Variants in DYNC1H1 observed in about 807,000 individuals in gnomAD.
The protein encoded by DYNC1H1 is cytoplasmic dynein 1 heavy chain 1.
DYNC1H1 carries 51 observed loss-of-function variants against 527.1 expected under a neutral mutation model. The observed-to-expected ratio is 0.10, with a 90% CI of 0.08 to 0.12. The LOEUF is 0.12. Among genes scored for constraint, DYNC1H1 ranks in the 10% least tolerant of loss-of-function variants. DYNC1H1 has a pLI of 1.00. For synonymous variants in DYNC1H1, 2,189 were observed against 2,278.8 expected (o/e 0.96, Z 1.12); for missense variants, 2,771 against 5,971.8 (o/e 0.46, Z 17.66).
chr14:102,031,458 C>T (rs972486417), intron 51 of DYNC1H1, among the ~76,000 whole-genome samples: 25 of 152,110 alleles, frequency 1.6e-4, no homozygotes, highest in African/African-American at 5.6e-4. Flanking sequence ...TGGTTTCAAA[C>T]TGCTGGGCTC....
In DYNC1H1 at chr14:102,019,914, C is replaced by T; in HGVS notation, c.8365C>T (p.Gln2789Ter). 6.2e-7 allele frequency: 1 copy of T among 1,614,208 alleles called. No individual in the cohort carries two copies. Among genetic ancestry groups the T allele is most frequent in the Non-Finnish European group, 8.5e-7 (1 of 1,180,032 alleles). ...ATAGGAGAGATTCACCCAGGATACA[C>T]AACCTCACTATATCTATTCACCCCG... ...MSQERFTQDTQPHYIYSPREM... is the reference protein window; with the variant it reads ...MSQERFTQDT Residue 2789 changes from glutamine to a stop codon, truncating the protein, a stop_gained, in exon 42 of 78, where the codon CAA becomes TAA. Transcript: ENST00000360184. LOFTEE classifies it high-confidence loss of function.
At position 102,049,633 on chromosome 14, in the gene DYNC1H1, G is replaced by A. The variant is rs766643529; in HGVS notation, c.13515+51G>A. 9 of 1,613,092 alleles carry A rather than the reference G, an allele frequency of 5.6e-6. No homozygotes were observed. The Admixed American group carries it at 1.2e-4, about 21-fold the overall frequency. Reference sequence around the variant, plus strand: ...GGTGGTCAGCAGCTGTCCTGGGCTGGGGTGGGAGTGGCTCTGGGGAAAAAC... The same window carrying A: ...GGTGGTCAGCAGCTGTCCTGGGCTGAGGTGGGAGTGGCTCTGGGGAAAAAC... On this transcript the variant is annotated intron_variant, in intron 75 of 77. Transcript: ENST00000360184. The surrounding 1 kb of genome is among the most constrained non-coding windows in gnomAD (Gnocchi z 5.5).
At position 102,004,670 on chromosome 14, in the gene DYNC1H1, G is replaced by C. The variant is rs1363933930; in HGVS notation, c.5036G>C (p.Arg1679Pro). The C allele has an allele frequency of 6.2e-7, 1 of 1,614,106 alleles. No homozygotes were observed. Among genetic ancestry groups the C allele is most frequent in the African/African-American group, 1.3e-5 (1 of 75,022 alleles). Reference sequence around the variant, plus strand: ...TCTGTTGTTTTGGGTATTTCATCTCGGGAAGGAGAGGAGGTAAATTTATGT... The same window carrying C: ...TCTGTTGTTTTGGGTATTTCATCTCCGGAAGGAGAGGAGGTAAATTTATGT... ...DNSVVLGISS[R>P]EGEEVMFKTP... Residue 1679 changes from arginine (R) to proline (P), a missense_variant, in exon 24 of 78, where the codon CGG becomes CCG. By Grantham distance (103) the Arg-to-Pro change is moderately radical. This residue lies in a region of DYNC1H1 where 105 missense variants were observed against 138.1 expected (regional missense o/e 0.76). Coordinates refer to ENST00000360184, the MANE Select transcript of DYNC1H1 (RefSeq NM_001376.5).
rs149824412 is a variant in DYNC1H1, at chr14:102,044,271, C to T, written c.12685-3C>T. On this transcript the variant is annotated splice_region_variant and splice_polypyrimidine_tract_variant and intron_variant, in intron 70 of 77. Coordinates refer to ENST00000360184, the MANE Select transcript of DYNC1H1 (RefSeq NM_001376.5). The surrounding 1 kb of genome is among the most constrained non-coding windows in gnomAD (Gnocchi z 7.1). The stretch of plus-strand genomic sequence containing the variant: ...CACACGAACCCTGCTTTTCCTCCCC[C>T]AGGGCAGGCAGAACATCTCACCGGA... The T allele has an allele frequency of 1.1e-4, 174 of 1,613,940 alleles. No individual in the cohort carries two copies. In the East Asian group the frequency reaches 3.5e-3, roughly 33 times the overall value.
In DYNC1H1 at chr14:102,033,720, C is replaced by A; in HGVS notation, c.10413+236C>A. On this transcript the variant is annotated intron_variant, in intron 54 of 77. Transcript: ENST00000360184. This position sits in a 1 kb window ranked among gnomAD's most constrained non-coding sequence, Gnocchi z 5.6. ...TTTCAGCCGTTGAATCCCCCACCAG[C>A]AGCTCCAGACCTGTTTGCTCTGCTG... 1 of 687,848 alleles carries A rather than the reference C, an allele frequency of 1.5e-6. No individual in the cohort carries two copies. The highest frequency in any genetic ancestry group is 2.5e-6 in the Non-Finnish European group (1 of 402,756). 42.6% of individuals were successfully genotyped at this position (687,848 alleles called of 1,614,324 possible).
At position 102,012,217 on chromosome 14, in the gene DYNC1H1, C is replaced by A; in HGVS notation, c.6858-97C>A. 1 of 1,611,596 alleles carries A rather than the reference C, an allele frequency of 6.2e-7. No homozygotes were observed. The highest frequency in any genetic ancestry group is 1.1e-5 in the South Asian group (1 of 90,888). The stretch of plus-strand genomic sequence containing the variant: ...CGTTATTTTTCAACCAAAGTCTGAG[C>A]AAATTAAAGGTCATTTCAGAAACCA... On this transcript the variant is annotated intron_variant, in intron 33 of 77. Transcript: ENST00000360184. This position sits in a 1 kb window ranked among gnomAD's most constrained non-coding sequence, Gnocchi z 4.9.
Position 101,983,803 on chromosome 14 carries a change from G to C in DYNC1H1, c.1461+194G>C, listed in dbSNP as rs111812299. On this transcript the variant is annotated intron_variant, in intron 7 of 77. Coordinates refer to ENST00000360184, the MANE Select transcript of DYNC1H1 (RefSeq NM_001376.5). This position sits in a 1 kb window ranked among gnomAD's most constrained non-coding sequence, Gnocchi z 5.3. ...AGCGATTCTCCTGCCTCAGCCTCTC[G>C]AGTAGCTGGGATTACAGGTGCCTGC... 5.5e-3 allele frequency among the ~76,000 whole-genome samples: 841 copies of C among 151,898 alleles called. 17 individuals carry two copies. Among genetic ancestry groups the C allele is most frequent in the East Asian group, 0.037 (189 of 5,160 alleles).
Position 102,039,534 on chromosome 14 carries a change from G to A in DYNC1H1, c.11583G>A (p.Lys3861=). ...CACAGCGCCTGTCCATTATAACAAA[G>A]GACCTCTTCCAGGTAGAGTGAGGTC... is the stretch of plus-strand genomic sequence containing the variant. The part of the protein sequence containing the change: ...DHTQRLSIIT[K]DLFQVAFNRV... Residue 3861 remains lysine (K), a synonymous_variant, in exon 61 of 78, where the codon AAG becomes AAA. Transcript: ENST00000360184. The surrounding 1 kb of genome is among the most constrained non-coding windows in gnomAD (Gnocchi z 7.0). The A allele has an allele frequency of 6.2e-7, 1 of 1,614,236 alleles. No homozygotes were observed. The highest frequency in any genetic ancestry group is 8.5e-7 in the Non-Finnish European group (1 of 1,180,048).
intron 1 of DYNC1H1, among the ~76,000 whole-genome samples, chr14:101,970,299 G>A (rs1595593141): frequency 6.6e-6 from 1 of 151,884 alleles, no homozygotes; most frequent in Non-Finnish European, 1.5e-5. Context: ...GTGGTTGTGG[G>A]AAAGAAGTCA....
rs376286033 is a variant in DYNC1H1, at chr14:102,042,620, G to C, written c.12400-15G>C. On this transcript the variant is annotated splice_polypyrimidine_tract_variant and intron_variant, in intron 68 of 77. Coordinates refer to ENST00000360184, the MANE Select transcript of DYNC1H1 (RefSeq NM_001376.5). This position sits in a 1 kb window ranked among gnomAD's most constrained non-coding sequence, Gnocchi z 5.7. ...ATCCACACCCGAGCATAACTGGAACGGCGCTCTCCCTTAGGTGCCTGTGAA... is the reference window on the plus strand; with the variant it reads ...ATCCACACCCGAGCATAACTGGAACCGCGCTCTCCCTTAGGTGCCTGTGAA... 2.5e-6 allele frequency: 4 copies of C among 1,614,078 alleles called. No homozygotes were observed. The highest frequency in any genetic ancestry group is 3.4e-6 in the Non-Finnish European group (4 of 1,179,980).
Position 102,036,516 on chromosome 14 carries a change from A to G in DYNC1H1, c.10782A>G (p.Gly3594=). 4 of 1,614,026 alleles carry G rather than the reference A, an allele frequency of 2.5e-6. No individual in the cohort carries two copies. Among genetic ancestry groups the G allele is most frequent in the Non-Finnish European group, 3.4e-6 (4 of 1,180,008 alleles). The change falls in exon 57 of 78, where the codon GGA becomes GGG. Residue 3594 remains glycine, a synonymous_variant. Transcript: ENST00000360184. This position sits in a 1 kb window ranked among gnomAD's most constrained non-coding sequence, Gnocchi z 5.6. ...ATCCGCTGATCATTGACCCCTCTGG[A>G]CAGGCCACAGAATTCATTATGAATG... The part of the protein sequence containing the change: ...NRYPLIIDPS[G]QATEFIMNEY...
intron 2 of DYNC1H1, among the ~76,000 whole-genome samples, chr14:101,976,006 C>G (rs905186768): frequency 1.7e-4 from 25 of 151,076 alleles, no homozygotes; most frequent in African/African-American, 5.6e-4. Context: ...CTCCCGGGTT[C>G]AAGCAATTCT....
rs143851548 is a variant in DYNC1H1, at chr14:101,965,283, C to T, written c.256+336C>T. ...AAACAATGGGGTCGCTTTGTCTGCTCGGGCCTCTCAAGATGGCCGAGTTGG... is the reference window on the plus strand; with the variant it reads ...AAACAATGGGGTCGCTTTGTCTGCTTGGGCCTCTCAAGATGGCCGAGTTGG... On this transcript the variant is annotated intron_variant, in intron 1 of 77. Transcript: ENST00000360184. The surrounding 1 kb of genome is among the most constrained non-coding windows in gnomAD (Gnocchi z 4.1). 8.0e-3 allele frequency among the ~76,000 whole-genome samples: 1,220 copies of T among 152,338 alleles called. 19 individuals are homozygous for T. Among genetic ancestry groups the T allele is most frequent in the African/African-American group, 0.028 (1,158 of 41,588 alleles).
In DYNC1H1 at chr14:101,997,857, G is replaced by A. The variant is rs1301720245; in HGVS notation, c.3804+583G>A. On this transcript the variant is annotated intron_variant, in intron 16 of 77. Coordinates refer to ENST00000360184, the MANE Select transcript of DYNC1H1 (RefSeq NM_001376.5). The surrounding 1 kb of genome is among the most constrained non-coding windows in gnomAD (Gnocchi z 4.8). ...TCCTACCTTCATGGAATCACGCTCC[G>A]TGGGAGAGAGAAAAAAAATGAGCAA... 2.0e-5 allele frequency among the ~76,000 whole-genome samples: 3 copies of A among 152,178 alleles called. No individual in the cohort carries two copies. Among genetic ancestry groups the A allele is most frequent in the African/African-American group, 7.2e-5 (3 of 41,448 alleles).
In DYNC1H1 at chr14:102,020,344, T is replaced by A. The variant is rs1248537584; in HGVS notation, c.8507+288T>A. 2.6e-5 allele frequency among the ~76,000 whole-genome samples: 4 copies of A among 152,020 alleles called. No individual in the cohort carries two copies. Among genetic ancestry groups the A allele is most frequent in the South Asian group, 2.1e-4 (1 of 4,826 alleles). On this transcript the variant is annotated intron_variant, in intron 42 of 77. Transcript: ENST00000360184. The surrounding 1 kb of genome is among the most constrained non-coding windows in gnomAD (Gnocchi z 4.3). Reference sequence around the variant, plus strand: ...GCTGTGAACAGGGTACTTTTTTTTTTAAAGATACATCATAGAAGTCAAAAA... The same window carrying A: ...GCTGTGAACAGGGTACTTTTTTTTTAAAAGATACATCATAGAAGTCAAAAA...
At chr14:101,980,967 C>T (rs2141270596) in intron 5 of DYNC1H1, among the ~76,000 whole-genome samples, 1 of 152,308 alleles carries the variant, frequency 6.6e-6, no homozygotes, top group East Asian at 1.9e-4. Context: ...GTCAGTACCA[C>T]TTTCTCTTCC....
At position 102,015,158 on chromosome 14, in the gene DYNC1H1, G is replaced by T. The variant is rs188714917; in HGVS notation, c.7068G>T (p.Val2356=). ...QDLKYATLAT[V]SRCGMVWFSE... ...TGAAATACGCGACCTTGGCCACAGT[G>T]TCGCGCTGCGGCATGGTCTGGTTCA... The change falls in exon 35 of 78, where the codon GTG becomes GTT. Residue 2356 remains valine, a synonymous_variant. Transcript: ENST00000360184. The surrounding 1 kb of genome is among the most constrained non-coding windows in gnomAD (Gnocchi z 6.9). 6.2e-7 allele frequency: 1 copy of T among 1,614,232 alleles called. No homozygotes were observed. The highest frequency in any genetic ancestry group is 1.7e-5 in the Admixed American group (1 of 60,024).
chr14:102,041,397 C>A lies in DYNC1H1; in HGVS notation c.11942-177C>A. ...CCAGGTAGTAAGGTGTTCTCACAGG[C>A]GTGTCCAGAGGGCTCACGGAAGGCA... On this transcript the variant is annotated intron_variant, in intron 64 of 77. Transcript: ENST00000360184. This position sits in a 1 kb window ranked among gnomAD's most constrained non-coding sequence, Gnocchi z 4.5. 1 of 940,900 alleles carries A rather than the reference C, an allele frequency of 1.1e-6. No homozygotes were observed. The highest frequency in any genetic ancestry group is 1.7e-6 in the Non-Finnish European group (1 of 595,310). The allele number at this position is 940,900 out of a possible 1,614,324, so 58.3% of individuals were successfully genotyped here. A position where few individuals can be genotyped will look rare whatever the true frequency, so the allele number is the denominator to read the frequency against.
In DYNC1H1 at chr14:101,997,267, CTG is replaced by C; in HGVS notation, c.3799_3800del (p.Val1267HisfsTer17). 1 of 1,614,150 alleles carries C rather than the reference CTG, an allele frequency of 6.2e-7. No individual in the cohort carries two copies. The highest frequency in any genetic ancestry group is 8.5e-7 in the Non-Finnish European group (1 of 1,180,024). ...CTGACTGACTGGGAGAAGACCAAGC[CTG>C]TCACGGTGAGTCCCGCCAGGTGGGG... On this transcript the variant is annotated frameshift_variant, in exon 16 of 78. Transcript: ENST00000360184. LOFTEE classifies it high-confidence loss of function. The surrounding 1 kb of genome is among the most constrained non-coding windows in gnomAD (Gnocchi z 4.8).
Sources: gnomAD v4.1 joint callset for allele counts (sites outside exome capture counted in the v4.1 genomes callset) on GRCh38, gnomAD v4.1.1 for gene constraint, gnomAD v4.1.1 regional missense constraint, Gnocchi (gnomAD v3.1) non-coding constraint, MANE v1.5 for transcripts, NCBI Gene and HGNC (gene_info 2026-07-23, HGNC 2026-07-21) for gene names.